The following RPE variants were observed in gnomAD, a reference collection of about 807,000 sequenced individuals.
RPE encodes ribulose-5-phosphate-3-epimerase.
A neutral mutation model predicts 24.6 loss-of-function variants in RPE; 16 were observed. The ratio of observed to expected loss-of-function variants is 0.65; its 90% confidence interval spans 0.44 to 0.99. RPE has a LOEUF of 0.99. Among genes scored for constraint, RPE ranks in the 50% least tolerant of loss-of-function variants. The pLI, the probability that RPE is intolerant of heterozygous loss-of-function variation, is 0.00. For synonymous variants in RPE, 93 were observed against 98.4 expected, an observed-to-expected ratio of 0.94 and a Z score of 0.33; for missense variants, 240 against 294.5, an observed-to-expected ratio of 0.81 and a Z score of 1.35.
intron 1 of RPE, among the ~76,000 whole-genome samples, chr2:210,008,054 C>T (rs541891700): frequency 3.9e-5 from 6 of 152,236 alleles, no homozygotes; most frequent in African/African-American, 1.4e-4. Flanking sequence ...GAACTGGGAA[C>T]TGGGATGTAA....
intron 1 of RPE, among the ~76,000 whole-genome samples, chr2:210,004,507 T>G (rs1223863201): frequency 6.6e-6 from 1 of 152,194 alleles, no homozygotes; most frequent in African/African-American, 2.4e-5. Context: ...GCTTGTGTTG[T>G]CTCAAATGAA....
chr2:210,010,242 G>A (rs1405473791), intron 2 of RPE, among the ~76,000 whole-genome samples: 1 of 152,068 alleles, frequency 6.6e-6, no homozygotes, highest in Non-Finnish European at 1.5e-5. Flanking sequence ...TTTATTTTGT[G>A]CAAATTGGAG....
At chr2:210,017,721 T>A in intron 5 of RPE, 162 bp downstream of exon 5, 2 of 589,566 alleles carry the variant, frequency 3.4e-6, no homozygotes, top group African/African-American at 1.9e-5. Flanking sequence ...TAAACAGCCA[T>A]AAGTGGATAT....
Position 210,008,426 on chromosome 2 carries a change from T to C in RPE, c.123-1231T>C, listed in dbSNP as rs529535307. On this transcript the variant is annotated intron_variant, in intron 1 of 5. Coordinates refer to ENST00000359429, the MANE Select transcript of RPE (RefSeq NM_199229.3). Reference sequence around the variant, plus strand: ...TCTTCCTGCCTCAGCCTCCTGAGTATCTGGGATTATAGACGCACGCCACCA... The same window carrying C: ...TCTTCCTGCCTCAGCCTCCTGAGTACCTGGGATTATAGACGCACGCCACCA... Among the ~76,000 whole-genome samples the C allele has an allele frequency of 4.0e-5, 6 of 150,236 alleles. No individual in the cohort carries two copies. In the South Asian group the frequency reaches 1.3e-3, roughly 32 times the overall value.
At position 210,017,515 on chromosome 2, in the gene RPE, G is replaced by A. The variant is rs1575322724; in HGVS notation, c.520G>A (p.Val174Ile). 2.5e-6 allele frequency: 4 copies of A among 1,608,202 alleles called. No individual in the cohort carries two copies. The highest frequency in any genetic ancestry group is 1.1e-5 in the South Asian group (1 of 90,958). Reference sequence around the variant, plus strand: ...CCAGTTCCCATCTTTGGATATAGAGGTCGATGGTGGAGTAGGTCCTGACAC... The same window carrying A: ...CCAGTTCCCATCTTTGGATATAGAGATCGATGGTGGAGTAGGTCCTGACAC... The part of the protein sequence containing the change: ...RTQFPSLDIE[V>I]DGGVGPDTVH... Residue 174 changes from valine to isoleucine, a missense_variant, in exon 5 of 6, where the codon GTC (valine) becomes ATC (isoleucine). Physicochemically the swap from Val to Ile is conservative, Grantham distance 29. Transcript: ENST00000359429.
intron 5 of RPE, 149 bp from the exon 6 acceptor site, chr2:210,019,520 A>G: frequency 1.2e-6 from 1 of 817,254 alleles, no homozygotes; most frequent in Non-Finnish European, 1.8e-6. Flanking sequence ...TTATTGAACT[A>G]GATTGCTTAA....
chr2:210,003,349 T>A (rs2093588276), intron 1 of RPE: 2 of 698,058 alleles, frequency 2.9e-6, no homozygotes, highest in African/African-American at 1.9e-5. Flanking sequence ...ACATGAGAAG[T>A]TTACAGTGCC....
chr2:210,002,792 T>C lies in RPE; in HGVS notation c.122+9T>C. ...CTGGACGTAATGGACGGGTAACTCC[T>C]CCGGGCTCCGGTCGGGCTTGCCGCG... On this transcript the variant is annotated intron_variant, in intron 1 of 5. Transcript: ENST00000359429. 1 of 1,614,056 alleles carries C rather than the reference T, an allele frequency of 6.2e-7. No individual in the cohort carries two copies. Among genetic ancestry groups the C allele is most frequent in the Non-Finnish European group, 8.5e-7 (1 of 1,179,988 alleles).
chr2:210,007,315 C>T (rs902207309), intron 1 of RPE, among the ~76,000 whole-genome samples: 14 of 152,232 alleles, frequency 9.2e-5, no homozygotes, highest in African/African-American at 3.4e-4. Context: ...CTCCCACACA[C>T]CTAATCATTT....
intron 5 of RPE, chr2:210,018,546 A>G: frequency 3.0e-6 from 3 of 985,180 alleles, no homozygotes; most frequent in Non-Finnish European, 3.6e-6. Context: ...TATAACTGCC[A>G]CACGTTTCTG....
intron 5 of RPE, chr2:210,018,217 A>G: frequency 2.0e-6 from 3 of 1,534,352 alleles, no homozygotes; most frequent in Non-Finnish European, 2.6e-6. Flanking sequence ...ATACGGAATT[A>G]AAAGGTACTA....
chr2:210,017,903 C>CTTGGCTAATTTT (rs1481953247), intron 5 of RPE: 2 of 539,882 alleles, frequency 3.7e-6, no homozygotes, highest in South Asian at 3.9e-5. Context: ...TGCCACCATG[C>CTTGGCTAATTTT]TTGGCTAATT....
intron 1 of RPE, 141 bp downstream of exon 1, chr2:210,002,924 A>G (rs1380092468): frequency 1.3e-6 from 2 of 1,524,102 alleles, no homozygotes; most frequent in Non-Finnish European, 1.8e-6. Context: ...GGTGTGGGGT[A>G]GGAGCCCTGG....
At position 210,022,186 on chromosome 2, in the gene RPE, G is replaced by T. The variant is rs2093869316; in HGVS notation, c.*2395G>T. On this transcript the variant is annotated 3_prime_UTR_variant, in exon 6 of 6. Transcript: ENST00000359429. ...ATTTGCTTGCTTTATTTTGTTAGGA[G>T]TAAACAGAAAGTAGCCTGTGTTTAG... is the stretch of plus-strand genomic sequence containing the variant. 1 of 151,884 alleles carries T rather than the reference G, an allele frequency of 6.6e-6. No individual in the cohort carries two copies. The highest frequency in any genetic ancestry group is 2.4e-5 in the African/African-American group (1 of 41,368). The allele number at this position is 151,884 out of a possible 1,614,324, so 9.4% of individuals were successfully genotyped here.
intron 2 of RPE, among the ~76,000 whole-genome samples, chr2:210,010,205 A>G (rs1047081336): frequency 6.6e-6 from 1 of 152,190 alleles, no homozygotes; most frequent in Non-Finnish European, 1.5e-5. Context: ...GAATTTATGA[A>G]TCAGTTGATT....
chr2:210,020,019 T>G lies in RPE; in HGVS notation c.*228T>G. 2.7e-6 allele frequency: 1 copy of G among 367,002 alleles called. No homozygotes were observed. Among genetic ancestry groups the G allele is most frequent in the Non-Finnish European group, 4.9e-6 (1 of 203,068 alleles). 22.7% of individuals were successfully genotyped at this position (367,002 alleles called of 1,614,324 possible). Reference sequence around the variant, plus strand: ...ATTGATTAGTGAGTAAGATACTGTTTTTATTGAGAGATTTGATTTTTATAA... The same window carrying G: ...ATTGATTAGTGAGTAAGATACTGTTGTTATTGAGAGATTTGATTTTTATAA... On this transcript the variant is annotated 3_prime_UTR_variant, in exon 6 of 6. Transcript: ENST00000359429.
chr2:210,002,843 A>T (rs1336836198), intron 1 of RPE, 60 bp downstream of exon 1: 11 of 1,612,460 alleles, frequency 6.8e-6, no homozygotes, highest in Non-Finnish European at 8.5e-6. Context: ...GTGCACCTTT[A>T]TTGACTGCTT....
rs754185300 is a variant in RPE, at chr2:210,021,347, T to A, written c.*1556T>A. 6.6e-6 allele frequency: 1 copy of A among 152,428 alleles called. No individual in the cohort carries two copies. Among genetic ancestry groups the A allele is most frequent in the Non-Finnish European group, 1.5e-5 (1 of 67,974 alleles). 9.4% of individuals were successfully genotyped at this position (152,428 alleles called of 1,614,324 possible). On this transcript the variant is annotated 3_prime_UTR_variant, in exon 6 of 6. Coordinates refer to ENST00000359429, the MANE Select transcript of RPE (RefSeq NM_199229.3). ...CCTGCATTACAAGGTAAAAATTTGT[T>A]AATGTTTGTTTTTATTCAGCTTGGG...
intron 1 of RPE, among the ~76,000 whole-genome samples, chr2:210,006,189 G>A (rs2093628416): frequency 6.6e-6 from 1 of 152,216 alleles, no homozygotes; most frequent in Admixed American, 6.5e-5. Context: ...TCTGTTAAGT[G>A]AAATAATTAA....
Sources: gnomAD v4.1 joint callset for allele counts (sites outside exome capture counted in the v4.1 genomes callset) on GRCh38, gnomAD v4.1.1 for gene constraint, MANE v1.5 for transcripts, NCBI Gene and HGNC (gene_info 2026-07-23, HGNC 2026-07-21) for gene names.